IFIT1B: variants seen among roughly 807,000 people sequenced by gnomAD.
IFIT1B encodes the protein interferon induced protein with tetratricopeptide repeats 1B, also known as protein IFIT1 homolog B.
IFIT1B carries 3 observed loss-of-function variants against 2.5 expected under a neutral mutation model. The observed-to-expected ratio is 1.21, with a 90% confidence interval of 0.55 to 3.14. IFIT1B has a LOEUF of 3.14. Ranked by LOEUF, IFIT1B falls within the 30% of genes most tolerant of loss-of-function variation. The pLI is 0.03. For missense variants in IFIT1B, 545 were observed against 556.5 expected (o/e 0.98, Z 0.21); for synonymous variants, 196 against 203.0 (o/e 0.97, Z 0.29).
chr10:89,383,429 T>A lies in IFIT1B; in HGVS notation c.116T>A (p.Ile39Asn). The A allele has an allele frequency of 6.2e-7, 1 of 1,614,170 alleles. No homozygotes were observed. Among genetic ancestry groups the A allele is most frequent in the Non-Finnish European group, 8.5e-7 (1 of 1,180,006 alleles). ...APEIPDLENR[I>N]WEEIQFLDTK... ...GAAATTCCTGATTTAGAAAACAGGA[T>A]CTGGGAAGAGATTCAGTTCCTGGAC... Residue 39 changes from isoleucine to asparagine, a missense_variant, in exon 2 of 2, where the codon ATC (isoleucine) becomes AAC (asparagine). Coordinates refer to ENST00000371809, the MANE Select transcript of IFIT1B (RefSeq NM_001010987.2).
At position 89,384,465 on chromosome 10, in the gene IFIT1B, C is replaced by T. The variant is rs756778499; in HGVS notation, c.1152C>T (p.Tyr384=). Residue 384 remains tyrosine (Y), a synonymous_variant, in exon 2 of 2, where the codon TAC becomes TAT. Coordinates refer to ENST00000371809, the MANE Select transcript of IFIT1B (RefSeq NM_001010987.2). The part of the protein sequence containing the change: ...DQLKQEIHYH[Y]GRFQEHHGKS... ...TAAAGCAAGAGATTCATTACCACTA[C>T]GGCCGTTTCCAAGAACATCATGGGA... 106 of 1,614,022 alleles carry T rather than the reference C, an allele frequency of 6.6e-5. No individual in the cohort carries two copies. Among genetic ancestry groups the T allele is most frequent in the South Asian group, 3.2e-4 (29 of 91,092 alleles).
chr10:89,384,817 G>A lies in IFIT1B; in HGVS notation c.*79G>A, dbSNP rs993515913. The A allele has an allele frequency of 2.3e-6, 3 of 1,295,900 alleles. No homozygotes were observed. Among genetic ancestry groups the A allele is most frequent in the African/African-American group, 3.0e-5 (2 of 67,324 alleles). 80.3% of individuals were successfully genotyped at this position (1,295,900 alleles called of 1,614,324 possible). On this transcript the variant is annotated 3_prime_UTR_variant, in exon 2 of 2. Transcript: ENST00000371809. ...TGAAATTAAATAATGCAAACTTAAAGCTGTTGGAAATTTACCTTATTTTGA... is the reference window on the plus strand; with the variant it reads ...TGAAATTAAATAATGCAAACTTAAAACTGTTGGAAATTTACCTTATTTTGA...
intron 1 of IFIT1B, among the ~76,000 whole-genome samples, chr10:89,380,931 A>G (rs767228349): frequency 5.9e-5 from 9 of 152,234 alleles, no homozygotes; most frequent in Non-Finnish European, 1.2e-4. Flanking sequence ...AGAAAGAGCA[A>G]TAATTCTCTT....
At chr10:89,382,184 T>C (rs1174977724) in intron 1 of IFIT1B, among the ~76,000 whole-genome samples, 1 of 152,188 alleles carries the variant, frequency 6.6e-6, no homozygotes, top group East Asian at 1.9e-4. Context: ...AGGATTTATA[T>C]AAAAATTGTT....
At position 89,383,810 on chromosome 10, in the gene IFIT1B, A is replaced by C. The variant is rs1397181354; in HGVS notation, c.497A>C (p.Lys166Thr). The C allele has an allele frequency of 1.9e-6, 3 of 1,614,248 alleles. No individual in the cohort carries two copies. The highest frequency in any genetic ancestry group is 3.3e-5 in the Admixed American group (2 of 60,034). Residue 166 changes from lysine to threonine, a missense_variant, in exon 2 of 2, where the codon AAG becomes ACG. Physicochemically the swap from Lys to Thr is moderately conservative, Grantham distance 78 (BLOSUM62 -1). Transcript: ENST00000371809. ...NYERAKTCFEKALEGNPENPE... is the reference protein window; with the variant it reads ...NYERAKTCFETALEGNPENPE... Reference sequence around the variant, plus strand: ...GAACGGGCCAAGACCTGCTTTGAAAAGGCTCTGGAAGGGAACCCTGAAAAC... The same window carrying C: ...GAACGGGCCAAGACCTGCTTTGAAACGGCTCTGGAAGGGAACCCTGAAAAC...
intron 1 of IFIT1B, among the ~76,000 whole-genome samples, chr10:89,379,204 G>T (rs955527130): frequency 2.2e-4 from 33 of 152,120 alleles, no homozygotes; most frequent in African/African-American, 8.0e-4. Context: ...TATGAAATTT[G>T]CTTTTCACTG....
chr10:89,384,874 G>C lies in IFIT1B; in HGVS notation c.*136G>C. ...AGAGGAATGTGGCTGTGTGGCCTGA[G>C]TTATGTAGCATGCAACTGCAACTTC... is the stretch of plus-strand genomic sequence containing the variant. On this transcript the variant is annotated 3_prime_UTR_variant, in exon 2 of 2. Transcript: ENST00000371809. The C allele has an allele frequency of 1.4e-6, 1 of 737,786 alleles. No individual in the cohort carries two copies. The highest frequency in any genetic ancestry group is 2.7e-5 in the East Asian group (1 of 37,720). The allele number at this position is 737,786 out of a possible 1,614,324, so 45.7% of individuals were successfully genotyped here.
At chr10:89,379,800 C>T (rs1051051082) in intron 1 of IFIT1B, among the ~76,000 whole-genome samples, 9 of 151,986 alleles carry the variant, frequency 5.9e-5, no homozygotes, top group African/African-American at 1.9e-4. Flanking sequence ...TTTGGGAGGC[C>T]GAGATGGGCA....
In IFIT1B at chr10:89,385,100, C is replaced by T. The variant is rs74990763; in HGVS notation, c.*362C>T. Reference sequence around the variant, plus strand: ...TGTTTACTGCCTATGTAAGTGAAATCTTAACTTCCCCATTTTGGAATGCTG... The same window carrying T: ...TGTTTACTGCCTATGTAAGTGAAATTTTAACTTCCCCATTTTGGAATGCTG... On this transcript the variant is annotated 3_prime_UTR_variant, in exon 2 of 2. Transcript: ENST00000371809. 7.6e-3 allele frequency: 1,313 copies of T among 173,866 alleles called. 32 individuals carry two copies. In the East Asian group the frequency reaches 0.086, roughly 11 times the overall value. 10.8% of individuals were successfully genotyped at this position (173,866 alleles called of 1,614,324 possible).
Position 89,384,366 on chromosome 10 carries a change from A to T in IFIT1B, c.1053A>T (p.Ala351=). The T allele has an allele frequency of 6.2e-7, 1 of 1,614,194 alleles. No homozygotes were observed. Among genetic ancestry groups the T allele is most frequent in the Non-Finnish European group, 8.5e-7 (1 of 1,180,028 alleles). The change falls in exon 2 of 2, where the codon GCA becomes GCT. Residue 351 remains alanine, a synonymous_variant. Transcript: ENST00000371809. ...ATGTTGACCTGGCTGAAACGTATGC[A>T]GAAATAGGCCACCACAGAAAGGCTG... The part of the protein sequence containing the change: ...MAYVDLAETY[A]EIGHHRKAEE...
At chr10:89,379,760 C>T (rs1027118160) in intron 1 of IFIT1B, among the ~76,000 whole-genome samples, 1 of 152,108 alleles carries the variant, frequency 6.6e-6, no homozygotes, top group Non-Finnish European at 1.5e-5. Context: ...TGTGGCTGGG[C>T]ATGGTGGCTC....
At position 89,384,522 on chromosome 10, in the gene IFIT1B, A is replaced by G; in HGVS notation, c.1209A>G (p.Leu403=). 1.2e-6 allele frequency: 2 copies of G among 1,613,982 alleles called. No individual in the cohort carries two copies. The highest frequency in any genetic ancestry group is 1.7e-6 in the Non-Finnish European group (2 of 1,179,872). The change falls in exon 2 of 2, where the codon TTA becomes TTG. Residue 403 remains leucine, a synonymous_variant. Transcript: ENST00000371809. The part of the protein sequence containing the change: ...KSQDKAITHY[L]KGLKIEKMSH... ...AAGATAAAGCAATTACCCATTATTTAAAAGGTTTGAAAATAGAAAAAATGT... is the reference window on the plus strand; with the variant it reads ...AAGATAAAGCAATTACCCATTATTTGAAAGGTTTGAAAATAGAAAAAATGT...
intron 1 of IFIT1B, among the ~76,000 whole-genome samples, chr10:89,380,105 T>C (rs1240564120): frequency 2.6e-5 from 4 of 152,070 alleles, no homozygotes; most frequent in Non-Finnish European, 5.9e-5. Context: ...AAGCCTTTCA[T>C]TCCCTGCTGC....
chr10:89,384,912 T>C lies in IFIT1B; in HGVS notation c.*174T>C, dbSNP rs953235837. 6 of 586,342 alleles carry C rather than the reference T, an allele frequency of 1.0e-5. No homozygotes were observed. In the Admixed American group the frequency reaches 1.3e-4, roughly 13 times the overall value. The allele number at this position is 586,342 out of a possible 1,614,324, so 36.3% of individuals were successfully genotyped here. ...CAACTGCAACTTCTGCTTTTTCCTG[T>C]AAATGATCAGGAAAGGCCTTGTGGC... On this transcript the variant is annotated 3_prime_UTR_variant, in exon 2 of 2. Transcript: ENST00000371809.
chr10:89,383,489 C>T lies in IFIT1B; in HGVS notation c.176C>T (p.Ala59Val), dbSNP rs752490130. The T allele has an allele frequency of 2.5e-6, 4 of 1,614,074 alleles. No individual in the cohort carries two copies. The highest frequency in any genetic ancestry group is 3.4e-6 in the Non-Finnish European group (4 of 1,180,044). Residue 59 changes from alanine to valine, a missense_variant, in exon 2 of 2, where the codon GCC becomes GTC. Coordinates refer to ENST00000371809, the MANE Select transcript of IFIT1B (RefSeq NM_001010987.2). ...KYNVGIHNLL[A>V]YVKHLKGQNE... ...AATGTGGGAATACACAACCTACTAG[C>T]CTATGTGAAACACCTGAAAGGCCAG...
At chr10:89,380,856 T>C (rs982844613) in intron 1 of IFIT1B, among the ~76,000 whole-genome samples, 1 of 152,204 alleles carries the variant, frequency 6.6e-6, no homozygotes, top group African/African-American at 2.4e-5. Context: ...TAGGGTGATA[T>C]TCTACTCCTT....
At chr10:89,378,225 G>C (rs1844136899) in intron 1 of IFIT1B, 85 bp downstream of exon 1, 9 of 1,386,750 alleles carry the variant, frequency 6.5e-6, no homozygotes, top group Non-Finnish European at 9.2e-6. Flanking sequence ...TTTTTGACAG[G>C]CCTTCTCCTA....
Position 89,384,016 on chromosome 10 carries a change from G to A in IFIT1B, c.703G>A (p.Glu235Lys), listed in dbSNP as rs753590815. ...GCTTCAGGATGAAGGACAGGAAGCT[G>A]AAGGAGAAAAGTACATTGAAGAAGC... ...LKLQDEGQEAEGEKYIEEALT... is the reference protein window; with the variant it reads ...LKLQDEGQEAKGEKYIEEALT... Residue 235 changes from glutamate to lysine, a missense_variant, in exon 2 of 2, where the codon GAA becomes AAA. Transcript: ENST00000371809. 49 of 1,614,096 alleles carry A rather than the reference G, an allele frequency of 3.0e-5. 1 individual carries two copies. In the Admixed American group the frequency reaches 7.7e-4, roughly 25 times the overall value.
chr10:89,380,923 A>T (rs1258374577), intron 1 of IFIT1B, among the ~76,000 whole-genome samples: 1 of 152,192 alleles, frequency 6.6e-6, no homozygotes, highest in Non-Finnish European at 1.5e-5. Context: ...CACCTATAAG[A>T]AAGAGCAATA....
Sources: allele counts gnomAD v4.1 joint callset (sites outside exome capture counted in the v4.1 genomes callset), GRCh38; gene constraint gnomAD v4.1.1; transcripts MANE v1.5; gene names NCBI Gene and HGNC (gene_info 2026-07-23, HGNC 2026-07-21).